DDAH1: variants seen among roughly 807,000 people sequenced by gnomAD.
DDAH1 encodes the protein N(G),N(G)-dimethylarginine dimethylaminohydrolase 1.
In DDAH1, 19 loss-of-function variants were observed where a neutral mutation model predicts 28.8. The ratio of observed to expected loss-of-function variants is 0.66; its 90% confidence interval spans 0.46 to 0.97. The LOEUF is 0.97. Ranked by LOEUF, DDAH1 falls within the 50% of genes least tolerant of loss-of-function variation. DDAH1 has a pLI of 0.00. For synonymous variants in DDAH1, 153 were observed against 154.4 expected, an observed-to-expected ratio of 0.99 and a Z score of 0.07; for missense variants, 326 against 375.9, an observed-to-expected ratio of 0.87 and a Z score of 1.10.
At chr1:85,467,709 T>C (rs1655434483), upstream of DDAH1, 1 of 152,264 alleles carries the variant, frequency 6.6e-6, no homozygotes, top group African/African-American at 2.4e-5. Flanking sequence ...AAGGACTGTT[T>C]TTAGGAAAAC....
At chr1:85,479,750 T>G (rs1655941260) in intron 2 of DDAH1, among the ~76,000 whole-genome samples, 1 of 152,216 alleles carries the variant, frequency 6.6e-6, no homozygotes, top group African/African-American at 2.4e-5. Flanking sequence ...TAGTTCAGTT[T>G]GCTGGGCCTT....
intron 1 of DDAH1, chr1:85,380,380 T>C (rs1650923834): frequency 6.6e-6 from 1 of 152,198 alleles, no homozygotes; most frequent in African/African-American, 2.4e-5. Context: ...CTAGGTGACA[T>C]TCACAATGAG....
intron 1 of DDAH1, among the ~76,000 whole-genome samples, chr1:85,534,903 G>C (rs2773147): frequency 2.0e-5 from 3 of 152,126 alleles, no homozygotes; most frequent in Non-Finnish European, 4.4e-5. Context: ...CCCAGTAAAG[G>C]TTCCTGTGAC....
intron 5 of DDAH1, among the ~76,000 whole-genome samples, chr1:85,322,380 A>G (rs887398720): frequency 5.3e-5 from 8 of 152,244 alleles, no homozygotes; most frequent in African/African-American, 9.6e-5. Flanking sequence ...TGACACTAAT[A>G]GAAAGCATAT....
intron 1 of DDAH1, among the ~76,000 whole-genome samples, chr1:85,428,809 A>T (rs1181293855): frequency 1.3e-5 from 2 of 152,068 alleles, no homozygotes; most frequent in Admixed American, 6.6e-5. Context: ...AGAGGATAAG[A>T]ACGCTGCTGG....
intron 4 of DDAH1, among the ~76,000 whole-genome samples, chr1:85,346,877 G>A (rs147379357): frequency 4.3e-4 from 65 of 152,036 alleles, no homozygotes; most frequent in Admixed American, 1.1e-3. Flanking sequence ...CTGACAAAGG[G>A]TTAATATCCA....
chr1:85,484,886 G>A (rs148647459), intron 2 of DDAH1, among the ~76,000 whole-genome samples: 1 of 152,258 alleles, frequency 6.6e-6, no homozygotes, highest in Non-Finnish European at 1.5e-5. Flanking sequence ...GCAAAAGCAG[G>A]TGAGCAATTT....
chr1:85,477,422 T>G (rs1386660589), intron 2 of DDAH1, among the ~76,000 whole-genome samples: 2 of 152,078 alleles, frequency 1.3e-5, no homozygotes, highest in Non-Finnish European at 2.9e-5. Flanking sequence ...TACAACCTCA[T>G]GACATCTTAC....
At chr1:85,438,509 A>C (rs1013517790) in intron 1 of DDAH1, among the ~76,000 whole-genome samples, 1 of 152,162 alleles carries the variant, frequency 6.6e-6, no homozygotes, top group African/African-American at 2.4e-5. Context: ...AATGACAGGA[A>C]ATGACTGCAG....
rs189039095 is a variant in DDAH1, at chr1:85,446,342, T to A, written c.303+18401A>T. ...GCCCCTTATAAACCATCAGATCTCA[T>A]GAGAACTCACTGACTATCATGAGAA... is the stretch of plus-strand genomic sequence containing the variant. On this transcript the variant is annotated intron_variant, in intron 1 of 5. Transcript: ENST00000284031. 1.7e-4 allele frequency among the ~76,000 whole-genome samples: 26 copies of A among 152,234 alleles called. No homozygotes were observed. The East Asian group carries it at 4.7e-3, about 27-fold the overall frequency.
chr1:85,465,342 C>T (rs1655332557), upstream of DDAH1: 1 of 454,058 alleles, frequency 2.2e-6, no homozygotes, highest in Non-Finnish European at 2.9e-6. Context: ...GAGAGGCGGC[C>T]GGGGAAGCAG....
chr1:85,474,503 C>T (rs114693481), intron 2 of DDAH1, among the ~76,000 whole-genome samples: 1,647 of 152,230 alleles, frequency 0.011, 17 homozygotes, highest in Non-Finnish European at 0.018. Context: ...GTGGCCCCAT[C>T]CCTGCTTGGG....
At chr1:85,542,997 T>C (rs1048935510) in intron 1 of DDAH1, among the ~76,000 whole-genome samples, 1 of 152,210 alleles carries the variant, frequency 6.6e-6, no homozygotes, top group African/African-American at 2.4e-5. Flanking sequence ...CAAGATCACA[T>C]AGCCAGAAAG....
intron 1 of DDAH1, among the ~76,000 whole-genome samples, chr1:85,459,197 G>T (rs1175170624): frequency 6.6e-6 from 1 of 152,178 alleles, no homozygotes; most frequent in Non-Finnish European, 1.5e-5. Flanking sequence ...TAATTTTGAA[G>T]AAATCTGAGC....
chr1:85,525,139 T>G (rs1001277), intron 1 of DDAH1, among the ~76,000 whole-genome samples: 1 of 151,666 alleles, frequency 6.6e-6, no homozygotes, highest in Non-Finnish European at 1.5e-5. Context: ...TATGGGCTGA[T>G]GTAGAAATGC....
At chr1:85,557,068 G>C (rs918066139) in intron 1 of DDAH1, among the ~76,000 whole-genome samples, 2 of 152,146 alleles carry the variant, frequency 1.3e-5, no homozygotes, top group Non-Finnish European at 2.9e-5. Flanking sequence ...AGTGAGCCGA[G>C]ATCATACCAT....
chr1:85,548,950 C>T (rs1658708939), intron 1 of DDAH1, among the ~76,000 whole-genome samples: 1 of 152,032 alleles, frequency 6.6e-6, no homozygotes, highest in South Asian at 2.1e-4. Context: ...CCTGGGGTAC[C>T]CTGAAAATAT....
intron 1 of DDAH1, among the ~76,000 whole-genome samples, chr1:85,544,816 G>A (rs1658572343): frequency 6.6e-6 from 1 of 152,098 alleles, no homozygotes; most frequent in Admixed American, 6.6e-5. Flanking sequence ...ACAGCTGATG[G>A]AAGTTTGCCC....
chr1:85,465,379 G>C (rs977879039), upstream of DDAH1, among the ~76,000 whole-genome samples: 7 of 152,214 alleles, frequency 4.6e-5, no homozygotes, highest in Non-Finnish European at 1.0e-4. Context: ...GCGGAGGCGG[G>C]GGACCTCGGC....
Sources: allele counts gnomAD v4.1 joint callset (sites outside exome capture counted in the v4.1 genomes callset), GRCh38; gene constraint gnomAD v4.1.1; transcripts MANE v1.5; gene names NCBI Gene and HGNC (gene_info 2026-07-23, HGNC 2026-07-21).